The following DSCAM variants were observed in gnomAD, a reference collection of about 807,000 sequenced individuals.
DSCAM encodes DS cell adhesion molecule, also known as cell adhesion molecule DSCAM.
In DSCAM, 47 loss-of-function variants were observed where a neutral mutation model predicts 217.7. That is an observed-to-expected ratio of 0.22 (90% confidence interval 0.17 to 0.28). DSCAM has a LOEUF of 0.28. Ranked by LOEUF, DSCAM falls within the 10% of genes least tolerant of loss-of-function variation. DSCAM has a pLI of 1.00. For missense variants in DSCAM, 2,080 were observed against 2,618.3 expected, an observed-to-expected ratio of 0.79 and a Z score of 4.49; for synonymous variants, 1,056 against 1,015.3, an observed-to-expected ratio of 1.04 and a Z score of -0.76.
intron 16 of DSCAM, among the ~76,000 whole-genome samples, chr21:40,152,127 A>C (rs200575514): frequency 3.9e-3 from 209 of 54,212 alleles, no homozygotes; most frequent in Admixed American, 5.9e-3. Context: ...AAAAAAAAAA[A>C]CACAAAAAAA....
intron 3 of DSCAM, among the ~76,000 whole-genome samples, chr21:40,477,384 C>A (rs569587035): frequency 6.6e-6 from 1 of 151,484 alleles, no homozygotes; most frequent in East Asian, 1.9e-4. Flanking sequence ...ATGATAATGG[C>A]AAAAAAAAGA....
chr21:40,584,852 G>A (rs9981571), intron 3 of DSCAM, among the ~76,000 whole-genome samples: 67,782 of 151,918 alleles, frequency 0.45, 15,991 homozygotes, highest in Admixed American at 0.55. Context: ...TCATGTTGAA[G>A]TGTGACCCTC....
chr21:40,329,612 CTAAATAAATAAATAAATAAATAAA>C (rs141438568), intron 8 of DSCAM, among the ~76,000 whole-genome samples: 22 of 135,180 alleles, frequency 1.6e-4, no homozygotes, highest in African/African-American at 2.5e-4. Context: ...GACTCCGTCT[CTAAATAAATAAATAAATAAATAAA>C]TAAATAAATA....
At chr21:40,621,928 GA>G (rs1484105131) in intron 3 of DSCAM, among the ~76,000 whole-genome samples, 1 of 29,088 alleles carries the variant, frequency 3.4e-5, no homozygotes, top group African/African-American at 1.1e-4. Context: ...GGAGGGGAAG[GA>G]AAGGAAGGAA....
intron 2 of DSCAM, among the ~76,000 whole-genome samples, chr21:40,707,369 TTTTC>T (rs2090729179): frequency 6.6e-6 from 1 of 152,234 alleles, no homozygotes; most frequent in Non-Finnish European, 1.5e-5. Flanking sequence ...ACAATCCTTT[TTTTC>T]TTTCTTATGT....
At chr21:40,125,928 C>T (rs1193354307) in intron 19 of DSCAM, among the ~76,000 whole-genome samples, 1 of 152,164 alleles carries the variant, frequency 6.6e-6, no homozygotes, top group Non-Finnish European at 1.5e-5. Context: ...GGTTGGTGTT[C>T]ACCACAGTGA....
chr21:40,725,016 A>T (rs989742185), intron 1 of DSCAM, among the ~76,000 whole-genome samples: 2 of 152,164 alleles, frequency 1.3e-5, no homozygotes, highest in Non-Finnish European at 2.9e-5. Context: ...GACAATTTTT[A>T]AAAAAACTTT....
At chr21:40,043,629 T>G (rs2088794900) in intron 31 of DSCAM, among the ~76,000 whole-genome samples, 1 of 152,210 alleles carries the variant, frequency 6.6e-6, no homozygotes, top group African/African-American at 2.4e-5. Flanking sequence ...TGTTTAATTG[T>G]CAAACGGATC....
Position 40,133,576 on chromosome 21 carries a change from G to C in DSCAM, c.3562+278C>G, listed in dbSNP as rs16999354. Among the ~76,000 whole-genome samples, 1,466 of 150,976 alleles carry C rather than the reference G, an allele frequency of 9.7e-3. 27 individuals carry two copies. The highest frequency in any genetic ancestry group is 0.034 in the African/African-American group (1,381 of 41,126). ...GTATTACAGCTCTAGGATAAAATGA[G>C]TTTCTATTTACAATAATACTTGGCC... On this transcript the variant is annotated intron_variant, in intron 19 of 32. Coordinates refer to ENST00000400454, the MANE Select transcript of DSCAM (RefSeq NM_001389.5).
At chr21:40,217,782 T>A (rs2091256683) in intron 11 of DSCAM, among the ~76,000 whole-genome samples, 1 of 152,208 alleles carries the variant, frequency 6.6e-6, no homozygotes, top group Admixed American at 6.5e-5. Context: ...GAGATTTTTT[T>A]ATATGCTTGT....
In DSCAM at chr21:40,012,269, G is replaced by A. The variant is rs931144281; in HGVS notation, c.*765C>T. The A allele has an allele frequency of 2.0e-5, 3 of 152,188 alleles. No homozygotes were observed. The East Asian group carries it at 5.8e-4, about 29-fold the overall frequency. The allele number at this position is 152,188 out of a possible 1,614,324, so 9.4% of individuals were successfully genotyped here. A position where few individuals can be genotyped will look rare whatever the true frequency, so the allele number is the denominator to read the frequency against. Reference sequence around the variant, plus strand: ...CTGCACCTTCTTTGTGCTTCCTGGAGATTCCTGAGGAGTTCAGGGTGTTAG... The same window carrying A: ...CTGCACCTTCTTTGTGCTTCCTGGAAATTCCTGAGGAGTTCAGGGTGTTAG... On this transcript the variant is annotated 3_prime_UTR_variant, in exon 33 of 33. Transcript: ENST00000400454.
At chr21:40,330,303 A>T (rs192853732) in intron 8 of DSCAM, among the ~76,000 whole-genome samples, 318 of 147,342 alleles carry the variant, frequency 2.2e-3, no homozygotes, top group African/African-American at 7.6e-3. Context: ...GCATATATTT[A>T]TATATAATAA....
intron 3 of DSCAM, among the ~76,000 whole-genome samples, chr21:40,457,678 A>G (rs2075774947): frequency 6.6e-6 from 1 of 152,236 alleles, no homozygotes; most frequent in Non-Finnish European, 1.5e-5. Flanking sequence ...AGAGGGGAAA[A>G]TGCAAAATAA....
In DSCAM at chr21:40,575,146, C is replaced by T. The variant is rs1398476000; in HGVS notation, c.508+117664G>A. Among the ~76,000 whole-genome samples the T allele has an allele frequency of 2.6e-5, 4 of 152,132 alleles. No homozygotes were observed. In the East Asian group the frequency reaches 7.7e-4, roughly 29 times the overall value. ...GTCCTTGCCTTAACTGATGACATTA[C>T]CTTGTGAAATTCCTTCTCCTGGCTC... On this transcript the variant is annotated intron_variant, in intron 3 of 32. Coordinates refer to ENST00000400454, the MANE Select transcript of DSCAM (RefSeq NM_001389.5).
At chr21:40,425,343 T>C (rs988277007) in intron 3 of DSCAM, among the ~76,000 whole-genome samples, 1 of 151,900 alleles carries the variant, frequency 6.6e-6, no homozygotes, top group Non-Finnish European at 1.5e-5. Flanking sequence ...CTGGCCAACA[T>C]GGTGAAACCC....
At chr21:40,253,820 G>A (rs1298739531) in intron 11 of DSCAM, among the ~76,000 whole-genome samples, 1 of 152,256 alleles carries the variant, frequency 6.6e-6, no homozygotes, top group Admixed American at 6.5e-5. Flanking sequence ...ACATGTACCT[G>A]TGCATCTGGC....
chr21:40,414,734 G>A (rs1281440522), intron 3 of DSCAM, among the ~76,000 whole-genome samples: 3 of 152,178 alleles, frequency 2.0e-5, no homozygotes, highest in Non-Finnish European at 4.4e-5. Context: ...TTATCAAAGT[G>A]CAGAGAATAT....
chr21:40,207,116 A>T (rs1053251405), intron 11 of DSCAM, among the ~76,000 whole-genome samples: 1 of 152,178 alleles, frequency 6.6e-6, no homozygotes, highest in Non-Finnish European at 1.5e-5. Context: ...AAAAAGTCAA[A>T]CCGAAAAAAA....
In DSCAM at chr21:40,087,361, A is replaced by G. The variant is rs16999285; in HGVS notation, c.3851-74T>C. ...ACACAGAGGCCAACATGACCTACTC[A>G]ATAAGGGCAATACCTAAAAATGGAT... On this transcript the variant is annotated intron_variant, in intron 21 of 32. Transcript: ENST00000400454. The G allele has an allele frequency of 2.1e-3, 2,275 of 1,060,700 alleles. 33 individuals are homozygous for G. In the African/African-American group the frequency reaches 0.029, roughly 14 times the overall value. 65.7% of individuals were successfully genotyped at this position (1,060,700 alleles called of 1,614,324 possible).
Sources: gnomAD v4.1 joint callset for allele counts (sites outside exome capture counted in the v4.1 genomes callset) on GRCh38, gnomAD v4.1.1 for gene constraint, MANE v1.5 for transcripts, NCBI Gene and HGNC (gene_info 2026-07-23, HGNC 2026-07-21) for gene names.